Variants in ARID4A observed in about 807,000 individuals in gnomAD.
The protein encoded by ARID4A is AT-rich interaction domain 4A.
A neutral mutation model predicts 148.6 loss-of-function variants in ARID4A; 39 were observed. The ratio of observed to expected loss-of-function variants is 0.26; its 90% CI spans 0.20 to 0.34. The LOEUF is 0.34. Ranked by LOEUF, ARID4A falls within the 10% of genes least tolerant of loss-of-function variation. ARID4A has a pLI of 1.00. For synonymous variants in ARID4A, 475 were observed against 481.2 expected, an observed-to-expected ratio of 0.99 and a Z score of 0.17; for missense variants, 1,265 against 1,449.1, an observed-to-expected ratio of 0.87 and a Z score of 2.06.
At position 58,353,868 on chromosome 14, in the gene ARID4A, C is replaced by CT; in HGVS notation, c.1853+14dup. 6.2e-7 allele frequency: 1 copy of CT among 1,600,404 alleles called. No homozygotes were observed. Among genetic ancestry groups the CT allele is most frequent in the Non-Finnish European group, 8.5e-7 (1 of 1,173,920 alleles). The stretch of plus-strand genomic sequence containing the variant: ...GATGGAATGTCAGGTAAGCAAGAAA[C>CT]TATTTTCTTACTATTGAAATTTTTT... On this transcript the variant is annotated intron_variant, in intron 17 of 23. Transcript: ENST00000355431.
chr14:58,365,859 A>G (rs1200179387), intron 21 of ARID4A, among the ~76,000 whole-genome samples, 165 bp from the exon 22 acceptor site: 2 of 152,012 alleles, frequency 1.3e-5, no homozygotes, highest in East Asian at 1.9e-4. Flanking sequence ...GTTGGTGAGC[A>G]TTTAGGTTTT....
intron 23 of ARID4A, among the ~76,000 whole-genome samples, chr14:58,368,314 TC>T (rs1474449569): frequency 6.6e-6 from 1 of 152,202 alleles, no homozygotes; most frequent in African/African-American, 2.4e-5. Flanking sequence ...ATTGGAAGAT[TC>T]TTCTAAAGAA....
intron 7 of ARID4A, among the ~76,000 whole-genome samples, chr14:58,321,033 G>A (rs2032854755): frequency 6.6e-6 from 1 of 152,152 alleles, no homozygotes; most frequent in Non-Finnish European, 1.5e-5. Flanking sequence ...GTTGTGTCCT[G>A]AAGGAAAGCA....
intron 5 of ARID4A, among the ~76,000 whole-genome samples, chr14:58,318,174 T>C (rs1406569934): frequency 6.6e-6 from 1 of 152,202 alleles, no homozygotes; most frequent in Non-Finnish European, 1.5e-5. Flanking sequence ...ATTAAACTTT[T>C]GTGGAAAAAT....
chr14:58,359,615 G>A lies in ARID4A; in HGVS notation c.1938+399G>A, dbSNP rs377667164. Among the ~76,000 whole-genome samples, 4 of 152,068 alleles carry A rather than the reference G, an allele frequency of 2.6e-5. 1 individual carries two copies. ...TCTGCTTATTCTTACCCCCACCCCA[G>A]CCCCTGACAACTACAGACTTTTTCT... is the stretch of plus-strand genomic sequence containing the variant. On this transcript the variant is annotated intron_variant, in intron 18 of 23. Transcript: ENST00000355431.
At chr14:58,358,623 T>C (rs1566718454) in intron 17 of ARID4A, among the ~76,000 whole-genome samples, 1 of 152,070 alleles carries the variant, frequency 6.6e-6, no homozygotes, top group Non-Finnish European at 1.5e-5. Context: ...CTAAAGGCAA[T>C]GTAGTTCAGA....
At chr14:58,306,600 G>A (rs1319469643) in intron 5 of ARID4A, among the ~76,000 whole-genome samples, 1 of 152,130 alleles carries the variant, frequency 6.6e-6, no homozygotes, top group African/African-American at 2.4e-5. Context: ...TTTCAAGGTC[G>A]GGCATGTTGG....
chr14:58,359,145 G>C lies in ARID4A; in HGVS notation c.1867G>C (p.Val623Leu), dbSNP rs1018649777. ...YGWNVRYDEW[V>L]KADRIIWPLD... ...TTTTTTTTTAAGGTATGATGAGTGG[G>C]TGAAGGCTGACAGGATAATCTGGCC... The change falls in exon 18 of 24, where the codon GTG becomes CTG. Residue 623 changes from valine to leucine, a missense_variant. Transcript: ENST00000355431. 8 of 1,581,188 alleles carry C rather than the reference G, an allele frequency of 5.1e-6. No homozygotes were observed. The highest frequency in any genetic ancestry group is 6.0e-6 in the Non-Finnish European group (7 of 1,170,828).
intron 11 of ARID4A, among the ~76,000 whole-genome samples, chr14:58,333,749 A>G (rs1375279808): frequency 7.9e-5 from 12 of 152,104 alleles, no homozygotes. Flanking sequence ...TATGCCTTGT[A>G]GATTGTAAAG....
intron 15 of ARID4A, among the ~76,000 whole-genome samples, chr14:58,349,881 C>T (rs1459743726): frequency 3.9e-5 from 6 of 151,914 alleles, no homozygotes; most frequent in Admixed American, 6.6e-5. Context: ...TAGGCCGAGG[C>T]GGGCGGATCA....
intron 19 of ARID4A, 47 bp from the exon 20 acceptor site, chr14:58,364,123 T>C: frequency 1.0e-6 from 1 of 959,404 alleles, no homozygotes; most frequent in Non-Finnish European, 1.4e-6. Context: ...TAAAATTACA[T>C]TGGTAATATA....
chr14:58,350,221 A>T (rs932647028), intron 15 of ARID4A, among the ~76,000 whole-genome samples: 1 of 151,962 alleles, frequency 6.6e-6, no homozygotes, highest in Non-Finnish European at 1.5e-5. Context: ...AGATAGAAAG[A>T]AATTAATTTC....
At position 58,354,895 on chromosome 14, in the gene ARID4A, GT is replaced by G. The variant is rs1464002406; in HGVS notation, c.1853+1042del. Among the ~76,000 whole-genome samples, 3 of 152,184 alleles carry G rather than the reference GT, an allele frequency of 2.0e-5. No homozygotes were observed. In the East Asian group the frequency reaches 5.8e-4, roughly 29 times the overall value. On this transcript the variant is annotated intron_variant, in intron 17 of 23. Coordinates refer to ENST00000355431, the MANE Select transcript of ARID4A (RefSeq NM_002892.4). ...TTGTCGTTTTTGTGGATTAGACAAT[GT>G]TCCTGTTTTTTCTGTGTTCAGACAC...
chr14:58,363,858 C>G (rs1029911343), intron 19 of ARID4A, among the ~76,000 whole-genome samples: 4 of 152,088 alleles, frequency 2.6e-5, no homozygotes, highest in African/African-American at 4.8e-5. Flanking sequence ...TGTCTAGGTA[C>G]TAATCTTTTG....
chr14:58,304,890 A>T (rs541520025), intron 3 of ARID4A, 54 bp from the exon 4 acceptor site: 80 of 1,393,144 alleles, frequency 5.7e-5, no homozygotes, highest in Middle Eastern at 2.4e-4. Flanking sequence ...GTGTTACTAT[A>T]AATGTATTTG....
intron 5 of ARID4A, among the ~76,000 whole-genome samples, chr14:58,306,620 G>T (rs1191455674): frequency 1.3e-5 from 2 of 152,208 alleles, no homozygotes; most frequent in Non-Finnish European, 2.9e-5. Flanking sequence ...GCTCATGCCT[G>T]TAATCCTAGC....
intron 15 of ARID4A, 98 bp from the exon 16 acceptor site, chr14:58,350,975 A>G (rs550084989): frequency 2.3e-6 from 3 of 1,289,260 alleles, no homozygotes; most frequent in East Asian, 5.0e-5. Flanking sequence ...GTTTCAAGCC[A>G]GAGACATTGC....
rs1664752848 is a variant in ARID4A at position 58,312,595 on chromosome 14, C to T, written c.275-5947C>T. The stretch of plus-strand genomic sequence containing the variant: ...GTTTTAAATTTTAAAATGTTTGCTT[C>T]ATTATGTGAAGAATTCTATAATTTT... On this transcript the variant is annotated intron_variant, in intron 5 of 23. Transcript: ENST00000355431. 2.6e-5 allele frequency among the ~76,000 whole-genome samples: 4 copies of T among 152,156 alleles called. No individual in the cohort carries two copies. The South Asian group carries it at 8.3e-4, about 32-fold the overall frequency.
At chr14:58,310,797 G>A (rs7149174) in intron 5 of ARID4A, among the ~76,000 whole-genome samples, 1 of 150,660 alleles carries the variant, frequency 6.6e-6, no homozygotes, top group African/African-American at 2.4e-5. Flanking sequence ...AAACTAAATA[G>A]CTTCCACACA....
Sources: allele counts gnomAD v4.1 joint callset (sites outside exome capture counted in the v4.1 genomes callset), GRCh38; gene constraint gnomAD v4.1.1; transcripts MANE v1.5; gene names NCBI Gene and HGNC (gene_info 2026-07-23, HGNC 2026-07-21).